The following CTNNBL1 variants were observed in gnomAD, a reference collection of about 807,000 sequenced individuals.
CTNNBL1 encodes beta-catenin-like protein 1.
Under a neutral mutation model 72.7 loss-of-function variants are expected in CTNNBL1, and 31 were observed. The observed-to-expected ratio is 0.43, with a 90% CI of 0.32 to 0.58. The LOEUF is 0.58. Ranked by LOEUF, CTNNBL1 falls within the 20% of genes least tolerant of loss-of-function variation. The pLI is 0.08. For synonymous variants in CTNNBL1, 240 were observed against 267.3 expected (o/e 0.90, Z 1.00); for missense variants, 534 against 725.1 (o/e 0.74, Z 3.03).
At chr20:37,703,030 A>G (rs528242164) in intron 1 of CTNNBL1, among the ~76,000 whole-genome samples, 4 of 152,264 alleles carry the variant, frequency 2.6e-5, no homozygotes, top group African/African-American at 9.6e-5. Flanking sequence ...TTGCTTAATC[A>G]TTTTCCTCTT....
intron 3 of CTNNBL1, among the ~76,000 whole-genome samples, chr20:37,742,834 C>T (rs941864207): frequency 5.3e-5 from 8 of 152,156 alleles, no homozygotes; most frequent in African/African-American, 1.9e-4. Flanking sequence ...GACAGAGTCT[C>T]ACTGCATTGC....
chr20:37,848,882 G>A (rs537990313), intron 13 of CTNNBL1, among the ~76,000 whole-genome samples: 96 of 152,250 alleles, frequency 6.3e-4, no homozygotes, highest in African/African-American at 2.2e-3. Flanking sequence ...GCAGACTCAC[G>A]TAGCCAGCTG....
chr20:37,712,162 A>G (rs1318175368), intron 1 of CTNNBL1, among the ~76,000 whole-genome samples: 2 of 152,176 alleles, frequency 1.3e-5, no homozygotes, highest in African/African-American at 2.4e-5. Flanking sequence ...CTCCACTTCT[A>G]AACATTTAAT....
intron 1 of CTNNBL1, among the ~76,000 whole-genome samples, chr20:37,708,439 T>C (rs1233180912): frequency 6.6e-6 from 1 of 152,214 alleles, no homozygotes; most frequent in Non-Finnish European, 1.5e-5. Context: ...CCCAAAGTGT[T>C]GGGATTACAG....
intron 12 of CTNNBL1, 98 bp from the exon 13 acceptor site, chr20:37,842,241 T>C (rs1307271047): frequency 3.6e-6 from 3 of 844,522 alleles, no homozygotes; most frequent in Non-Finnish European, 6.1e-6. Context: ...GGGTCTCCCT[T>C]TGTAAGGGAG....
intron 10 of CTNNBL1, among the ~76,000 whole-genome samples, chr20:37,784,591 A>G (rs2073655905): frequency 6.6e-6 from 1 of 152,254 alleles, no homozygotes; most frequent in Admixed American, 6.5e-5. Context: ...TGCAGAAACA[A>G]ACTGACAAGC....
intron 1 of CTNNBL1, chr20:37,727,387 C>G (rs2073094147): frequency 2.0e-6 from 2 of 980,354 alleles, no homozygotes; most frequent in Non-Finnish European, 2.4e-6. Context: ...ATCGTGAAGC[C>G]TACTCTGAGC....
At chr20:37,731,478 G>T (rs1171155309) in intron 1 of CTNNBL1, among the ~76,000 whole-genome samples, 1 of 152,032 alleles carries the variant, frequency 6.6e-6, no homozygotes, top group African/African-American at 2.4e-5. Flanking sequence ...CAGGTGATCT[G>T]CCCGCCTCAG....
chr20:37,756,429 TGTG>T (rs1176091063), intron 4 of CTNNBL1: 1 of 151,462 alleles, frequency 6.6e-6, no homozygotes, highest in African/African-American at 2.4e-5. Context: ...TCTCCCCCGT[TGTG>T]TGTGTGTGCA....
chr20:37,742,878 A>G (rs2073230049), intron 3 of CTNNBL1, among the ~76,000 whole-genome samples: 1 of 152,174 alleles, frequency 6.6e-6, no homozygotes, highest in African/African-American at 2.4e-5. Flanking sequence ...ATCTTAGCTC[A>G]CTGCAACCTC....
chr20:37,770,124 G>C (rs1394207481), intron 7 of CTNNBL1, among the ~76,000 whole-genome samples: 1 of 152,164 alleles, frequency 6.6e-6, no homozygotes, highest in Non-Finnish European at 1.5e-5. Context: ...TTTCAGTCTT[G>C]CATCCAGCAA....
chr20:37,831,367 CT>C (rs202003605), intron 11 of CTNNBL1, among the ~76,000 whole-genome samples: 5 of 149,364 alleles, frequency 3.3e-5, no homozygotes, highest in East Asian at 2.0e-4. Context: ...TTTTTCTTTT[CT>C]TTTTTTTTTT....
At chr20:37,755,699 C>G (rs1487223812) in intron 4 of CTNNBL1, among the ~76,000 whole-genome samples, 2 of 152,174 alleles carry the variant, frequency 1.3e-5, no homozygotes, top group Non-Finnish European at 2.9e-5. Flanking sequence ...CATTCTTGTT[C>G]TTATATTCTG....
At chr20:37,734,950 A>G (rs1192227604) in intron 2 of CTNNBL1, among the ~76,000 whole-genome samples, 2 of 152,184 alleles carry the variant, frequency 1.3e-5, no homozygotes, top group African/African-American at 4.8e-5. Context: ...TTTTCTCCAG[A>G]GTGGGGCAAG....
intron 1 of CTNNBL1, among the ~76,000 whole-genome samples, chr20:37,698,223 A>C (rs2072809519): frequency 6.6e-6 from 1 of 152,256 alleles, no homozygotes; most frequent in Non-Finnish European, 1.5e-5. Context: ...AACCAGTAAC[A>C]GGGCTGAAAC....
intron 13 of CTNNBL1, among the ~76,000 whole-genome samples, chr20:37,845,751 T>C (rs1231522293): frequency 2.6e-5 from 4 of 152,152 alleles, no homozygotes; most frequent in African/African-American, 2.4e-5. Context: ...CCTACACCAA[T>C]TGGGAGCTTA....
intron 10 of CTNNBL1, among the ~76,000 whole-genome samples, chr20:37,786,303 C>A (rs894941553): frequency 1.3e-5 from 2 of 152,186 alleles, no homozygotes; most frequent in African/African-American, 4.8e-5. Flanking sequence ...GCTCTACAGT[C>A]AACAGGTGGC....
At chr20:37,737,899 G>T (rs1212440181) in intron 3 of CTNNBL1, among the ~76,000 whole-genome samples, 1 of 152,218 alleles carries the variant, frequency 6.6e-6, no homozygotes. Context: ...GGTCATGTAG[G>T]CATTCTCTGC....
chr20:37,863,667 G>A (rs2072511254), intron 15 of CTNNBL1, among the ~76,000 whole-genome samples: 1 of 152,074 alleles, frequency 6.6e-6, no homozygotes, highest in Non-Finnish European at 1.5e-5. Context: ...GGCTGGGCAG[G>A]GCTCCTGAGT....
Sources: allele counts gnomAD v4.1 joint callset (sites outside exome capture counted in the v4.1 genomes callset), GRCh38; gene constraint gnomAD v4.1.1; transcripts MANE v1.5; gene names NCBI Gene and HGNC (gene_info 2026-07-23, HGNC 2026-07-21).